The following GPR143 variants were observed in gnomAD, a reference collection of about 807,000 sequenced individuals.
GPR143 encodes the protein G protein-coupled receptor 143.
A neutral mutation model predicts 27.6 loss-of-function variants in GPR143; 8 were observed. The ratio of observed to expected loss-of-function variants is 0.29; its 90% CI spans 0.17 to 0.52. The LOEUF is 0.52. GPR143 is among the 20% of genes least tolerant of loss of function. GPR143 has a pLI of 0.96. For synonymous variants in GPR143, 156 were observed against 153.2 expected, an observed-to-expected ratio of 1.02 and a Z score of -0.13; for missense variants, 303 against 343.1, an observed-to-expected ratio of 0.88 and a Z score of 0.92.
rs921178913 is a variant in GPR143 at position 9,773,275 on chromosome X, C to T, written c.-2-12449G>A. On this transcript the variant is annotated intron_variant, in intron 1 of 7. Transcript: ENST00000447366. The stretch of plus-strand genomic sequence containing the variant: ...ATGTCAGAGTTTCAGTTCAGTTCAC[C>T]TTATCCTATTTGGTGATATTTGGAC... Among the ~76,000 whole-genome samples, 3 of 111,507 alleles carry T rather than the reference C, an allele frequency of 2.7e-5. No homozygotes were observed. The Admixed American group carries it at 2.9e-4, about 11-fold the overall frequency.
intron 8 of GPR143, chrX:9,738,600 T>G (rs760007194): frequency 1.0e-5 from 5 of 495,380 alleles, no homozygotes; most frequent in Non-Finnish European, 1.2e-5. Context: ...AAGTGAAACT[T>G]CCTTCAATGT....
At chrX:9,727,375 C>A (rs1479891934) in intron 8 of GPR143, among the ~76,000 whole-genome samples, 1 of 113,133 alleles carries the variant, frequency 8.8e-6, no homozygotes, top group Non-Finnish European at 1.9e-5. Context: ...CTTGCTCACT[C>A]TTCTATAGTC....
chrX:9,766,363 C>T (rs2037666619), upstream of GPR143, among the ~76,000 whole-genome samples: 1 of 111,633 alleles, frequency 9.0e-6, no homozygotes, highest in Non-Finnish European at 1.9e-5. Flanking sequence ...TTTTTTATGG[C>T]CTCTCTCATT....
At chrX:9,738,480 T>C in intron 8 of GPR143, 1 of 724,697 alleles carries the variant, frequency 1.4e-6, no homozygotes, top group Non-Finnish European at 1.6e-6. Flanking sequence ...AACTATCTCT[T>C]TCTCTTCATG....
At chrX:9,756,057 G>C (rs983065741) in intron 3 of GPR143, among the ~76,000 whole-genome samples, 2 of 112,008 alleles carry the variant, frequency 1.8e-5, no homozygotes, top group Non-Finnish European at 3.8e-5. Flanking sequence ...TTGATGATGT[G>C]ATCTACATAA....
intron 1 of GPR143, among the ~76,000 whole-genome samples, chrX:9,775,044 TAA>T (rs1189903523): frequency 9.0e-6 from 1 of 111,162 alleles, no homozygotes; most frequent in East Asian, 2.8e-4. Context: ...TAAAAAAATG[TAA>T]AGACAGGGTC....
At chrX:9,756,814 T>C (rs1003358467) in intron 3 of GPR143, among the ~76,000 whole-genome samples, 2 of 112,469 alleles carry the variant, frequency 1.8e-5, no homozygotes, top group Non-Finnish European at 3.8e-5. Flanking sequence ...TGGAAAGCAG[T>C]TTAACAGTTT....
Position 9,775,154 on chromosome X carries a change from G to T in GPR143, c.-3+11088C>A, listed in dbSNP as rs148811026. On this transcript the variant is annotated intron_variant, in intron 1 of 7. Transcript: ENST00000447366. ...TGGGATTATAGGTGTGAAAGGAATGGGTTTTGAACACAGACTTAGAACCCA... is the reference window on the plus strand; with the variant it reads ...TGGGATTATAGGTGTGAAAGGAATGTGTTTTGAACACAGACTTAGAACCCA... Among the ~76,000 whole-genome samples, 179 of 112,274 alleles carry T rather than the reference G, an allele frequency of 1.6e-3. 2 individuals are homozygous for T. Among genetic ancestry groups the T allele is most frequent in the African/African-American group, 5.5e-3 (171 of 30,963 alleles).
At chrX:9,759,916 A>G (rs777405334) in intron 2 of GPR143, among the ~76,000 whole-genome samples, 3 of 111,643 alleles carry the variant, frequency 2.7e-5, no homozygotes, top group Non-Finnish European at 3.8e-5. Flanking sequence ...GAAGCAAGGA[A>G]ACTGGCAATT....
chrX:9,761,997 G>C (rs755711399), intron 1 of GPR143, among the ~76,000 whole-genome samples: 3 of 112,421 alleles, frequency 2.7e-5, no homozygotes, highest in Non-Finnish European at 5.6e-5. Context: ...TGAGGTGGGA[G>C]AATCGCTTGA....
At chrX:9,752,107 C>A (rs976273922) in intron 3 of GPR143, among the ~76,000 whole-genome samples, 3 of 112,672 alleles carry the variant, frequency 2.7e-5, no homozygotes, top group Non-Finnish European at 5.6e-5. Context: ...TTCCCTCTGT[C>A]ACCCATACTG....
upstream of GPR143, among the ~76,000 whole-genome samples, chrX:9,770,358 G>GAGAGAGAGAGAGAGAGA (rs1569127514): frequency 3.6e-3 from 279 of 76,560 alleles, 7 homozygotes; most frequent in African/African-American, 0.014. Context: ...AGAGAGAGAG[G>GAGAGAGAGAGAGAGAGA]AAGACCAGCC....
At chrX:9,773,657 G>C (rs2083562347) in intron 1 of GPR143, among the ~76,000 whole-genome samples, 1 of 111,073 alleles carries the variant, frequency 9.0e-6, no homozygotes, top group Admixed American at 9.7e-5. Flanking sequence ...TGGGTCACTT[G>C]AGCTCCGGAG....
At chrX:9,768,460 T>C (rs916322681), upstream of GPR143, among the ~76,000 whole-genome samples, 1 of 111,631 alleles carries the variant, frequency 9.0e-6, no homozygotes, top group Non-Finnish European at 1.9e-5. Flanking sequence ...TGGAGCCTCC[T>C]GCCTGCCTTC....
chrX:9,742,416 G>A (rs749230460), intron 6 of GPR143, among the ~76,000 whole-genome samples: 2 of 111,362 alleles, frequency 1.8e-5, no homozygotes, highest in African/African-American at 6.5e-5. Flanking sequence ...CTATAGGCAT[G>A]TGCCACCATT....
At chrX:9,752,295 C>T (rs546464544) in intron 3 of GPR143, among the ~76,000 whole-genome samples, 7 of 111,561 alleles carry the variant, frequency 6.3e-5, no homozygotes, top group Non-Finnish European at 9.4e-5. Context: ...CTCAAACTCC[C>T]GGGCTCAAGC....
rs773187099 is a variant in GPR143 at position 9,746,351 on chromosome X, A to C, written c.549-198T>G. On this transcript the variant is annotated intron_variant, in intron 4 of 8. Transcript: ENST00000467482. Reference sequence around the variant, plus strand: ...AATTGCAGGAGAGTAAGGGAGATCAACCATGTTTCTGTCTCAGAAATGGGA... The same window carrying C: ...AATTGCAGGAGAGTAAGGGAGATCACCCATGTTTCTGTCTCAGAAATGGGA... Among the ~76,000 whole-genome samples the C allele has an allele frequency of 4.5e-5, 5 of 111,514 alleles. No individual in the cohort carries two copies. In the East Asian group the frequency reaches 1.1e-3, roughly 25 times the overall value.
intron 8 of GPR143, among the ~76,000 whole-genome samples, chrX:9,731,168 T>TA (rs1216696137): frequency 7.3e-4 from 81 of 111,496 alleles, no homozygotes; most frequent in African/African-American, 2.5e-3. Flanking sequence ...ATTTAAAAAA[T>TA]AAAAAAGCTT....
chrX:9,743,599 G>A lies in GPR143; in HGVS notation c.733C>T (p.Arg245Ter), dbSNP rs2146687477. 8.4e-7 allele frequency: 1 copy of A among 1,186,326 alleles called. No homozygotes were observed. The highest frequency in any genetic ancestry group is 1.1e-6 in the Non-Finnish European group (1 of 872,243). ...ERRMGAVIKI[R>*]FFKIMLVLII... Reference sequence around the variant, plus strand: ...AAAACCAGCATGATTTTGAAAAATCGGATCTTGATCACGGCTCCCATCCTC... The same window carrying A: ...AAAACCAGCATGATTTTGAAAAATCAGATCTTGATCACGGCTCCCATCCTC... Residue 245 changes from arginine to a stop codon, truncating the protein, a stop_gained, in exon 6 of 9, where the codon CGA (arginine) becomes TGA (stop). Coordinates refer to ENST00000467482, the MANE Select transcript of GPR143 (RefSeq NM_000273.3). LOFTEE classifies it high-confidence loss of function.
Sources: gnomAD v4.1 joint callset for allele counts (sites outside exome capture counted in the v4.1 genomes callset) on GRCh38, gnomAD v4.1.1 for gene constraint, MANE v1.5 for transcripts, NCBI Gene and HGNC (gene_info 2026-07-23, HGNC 2026-07-21) for gene names.